The following NPHP1 variants were observed in gnomAD, a reference collection of about 807,000 sequenced individuals.
NPHP1 encodes nephrocystin 1, also known as nephrocystin-1.
A neutral mutation model predicts 90.4 loss-of-function variants in NPHP1; 70 were observed. The observed-to-expected ratio is 0.77, with a 90% CI of 0.64 to 0.95. The LOEUF (loss-of-function observed/expected upper bound fraction) is 0.95, where lower values mean the gene tolerates loss of function less well. Ranked by LOEUF, NPHP1 falls within the 40% of genes least tolerant of loss-of-function variation. NPHP1 has a pLI of 0.00. For synonymous variants in NPHP1, 256 were observed against 271.7 expected (o/e 0.94, Z 0.57); for missense variants, 764 against 795.9 (o/e 0.96, Z 0.48).
chr2:110,182,041 TGAA>T (rs1166083869), intron 2 of NPHP1, among the ~76,000 whole-genome samples: 1 of 152,000 alleles, frequency 6.6e-6, no homozygotes, highest in African/African-American at 2.4e-5. Flanking sequence ...TCTCAGAGCT[TGAA>T]GATTATGTTT....
chr2:110,162,872 G>C (rs1312359482), intron 9 of NPHP1, among the ~76,000 whole-genome samples, 176 bp downstream of exon 9: 2 of 152,146 alleles, frequency 1.3e-5, no homozygotes, highest in African/African-American at 4.8e-5. Flanking sequence ...GCTGGCCTCT[G>C]ATAGGATCAG....
At chr2:110,164,929 T>G in intron 7 of NPHP1, 123 bp downstream of exon 7, 1 of 906,548 alleles carries the variant, frequency 1.1e-6, no homozygotes, top group East Asian at 2.6e-5. Flanking sequence ...GACAATAGTA[T>G]GAAAAGCTCT....
intron 2 of NPHP1, among the ~76,000 whole-genome samples, chr2:110,200,876 T>A (rs1232742190): frequency 3.3e-5 from 5 of 152,190 alleles, no homozygotes; most frequent in Non-Finnish European, 7.3e-5. Context: ...ATTAATAGAA[T>A]GAATCTCATG....
chr2:110,142,502 A>G (rs59965855), intron 16 of NPHP1, among the ~76,000 whole-genome samples: 58,527 of 151,514 alleles, frequency 0.39, 12,068 homozygotes, highest in East Asian at 0.58. Context: ...ACAGGTGTGC[A>G]TCACCATACC....
chr2:110,176,988 C>T (rs1354447497), intron 4 of NPHP1, among the ~76,000 whole-genome samples: 1 of 152,176 alleles, frequency 6.6e-6, no homozygotes, highest in Non-Finnish European at 1.5e-5. Flanking sequence ...CCACAACTCT[C>T]AGTGAACTGA....
At chr2:110,150,491 T>C (rs1453027740) in intron 11 of NPHP1, among the ~76,000 whole-genome samples, 3 of 152,178 alleles carry the variant, frequency 2.0e-5, no homozygotes, top group African/African-American at 7.2e-5. Flanking sequence ...GTGAATTCCT[T>C]AATATCTGAG....
chr2:110,147,778 C>A, intron 13 of NPHP1, 138 bp downstream of exon 13: 1 of 646,594 alleles, frequency 1.5e-6, no homozygotes. Flanking sequence ...AAATTAGAAT[C>A]ACTGGCATTC....
intron 8 of NPHP1, 79 bp downstream of exon 8, chr2:110,164,609 C>G: frequency 6.2e-7 from 1 of 1,610,410 alleles, no homozygotes; most frequent in Non-Finnish European, 8.5e-7. Context: ...TTGGTGTCTT[C>G]CACAGTCTCC....
chr2:110,172,393 G>A (rs943894790), intron 4 of NPHP1, among the ~76,000 whole-genome samples: 4 of 151,702 alleles, frequency 2.6e-5, no homozygotes, highest in African/African-American at 9.7e-5. Flanking sequence ...TTTCTTTCCT[G>A]CTCTCCTTGG....
chr2:110,162,909 G>A, intron 9 of NPHP1, 139 bp downstream of exon 9: 1 of 712,286 alleles, frequency 1.4e-6, no homozygotes, highest in South Asian at 1.5e-5. Context: ...TCATAGGAAG[G>A]ATGAGGAAAA....
intron 4 of NPHP1, among the ~76,000 whole-genome samples, chr2:110,171,188 A>T (rs959480300): frequency 1.1e-4 from 16 of 152,278 alleles, no homozygotes; most frequent in African/African-American, 3.8e-4. Context: ...TGCCAAAATA[A>T]TGTTAGCTTG....
chr2:110,141,690 G>A (rs187830453), intron 16 of NPHP1, among the ~76,000 whole-genome samples: 87 of 152,128 alleles, frequency 5.7e-4, no homozygotes, highest in African/African-American at 2.0e-3. Flanking sequence ...CAGTTTGGTA[G>A]GGCCGGATGC....
intron 6 of NPHP1, among the ~76,000 whole-genome samples, chr2:110,167,427 G>A (rs932412378): frequency 6.6e-6 from 1 of 152,070 alleles, no homozygotes; most frequent in Admixed American, 6.6e-5. Flanking sequence ...GTTAAACATG[G>A]CTAATGAAAC....
chr2:110,143,097 T>C lies in NPHP1; in HGVS notation c.1529+445A>G, dbSNP rs374102870. ...ATACAGAGCTGACTACAAAGGGGCA[T>C]GAGATAACTTTTTAGAGTGAGGGAA... is the stretch of plus-strand genomic sequence containing the variant. On this transcript the variant is annotated intron_variant, in intron 16 of 19. Coordinates refer to ENST00000445609, the MANE Select transcript of NPHP1 (RefSeq NM_001128178.3). Among the ~76,000 whole-genome samples, 36 of 152,294 alleles carry C rather than the reference T, an allele frequency of 2.4e-4. No individual in the cohort carries two copies. The East Asian group carries it at 6.2e-3, about 26-fold the overall frequency.
At position 110,125,208 on chromosome 2, in the gene NPHP1, T is replaced by C. The variant is rs200259671; in HGVS notation, c.1761+429A>G. On this transcript the variant is annotated intron_variant, in intron 19 of 19. Coordinates refer to ENST00000445609, the MANE Select transcript of NPHP1 (RefSeq NM_001128178.3). Reference sequence around the variant, plus strand: ...ACTCACCGATTAAAGCAAGTTCGGATTGGTAATTACCATGATTTTATAGCA... The same window carrying C: ...ACTCACCGATTAAAGCAAGTTCGGACTGGTAATTACCATGATTTTATAGCA... 6.8e-5 allele frequency: 104 copies of C among 1,534,724 alleles called. 3 individuals are homozygous for C. The South Asian group carries it at 1.1e-3, about 16-fold the overall frequency.
chr2:110,129,288 T>C (rs1679607382), intron 17 of NPHP1, 29 bp from the exon 18 acceptor site: 4 of 1,529,618 alleles, frequency 2.6e-6, no homozygotes, highest in Non-Finnish European at 3.6e-6. Flanking sequence ...GAAAGAATTT[T>C]ATGCAAACTT....
At chr2:110,133,579 C>G (rs893608601) in intron 16 of NPHP1, among the ~76,000 whole-genome samples, 1 of 152,100 alleles carries the variant, frequency 6.6e-6, no homozygotes, top group Non-Finnish European at 1.5e-5. Flanking sequence ...GCAGAATACA[C>G]ATTTTTCTCA....
chr2:110,197,885 T>C (rs888922038), intron 2 of NPHP1, among the ~76,000 whole-genome samples: 1 of 152,196 alleles, frequency 6.6e-6, no homozygotes, highest in Non-Finnish European at 1.5e-5. Flanking sequence ...TTTAATATAA[T>C]GTACCAAGAA....
intron 1 of NPHP1, among the ~76,000 whole-genome samples, chr2:110,201,780 C>T (rs986683970): frequency 2.0e-5 from 3 of 152,038 alleles, no homozygotes; most frequent in Non-Finnish European, 4.4e-5. Context: ...AACTAAAGTT[C>T]AATAGTTGAT....
Sources: gnomAD v4.1 joint callset for allele counts (sites outside exome capture counted in the v4.1 genomes callset) on GRCh38, gnomAD v4.1.1 for gene constraint, MANE v1.5 for transcripts, NCBI Gene and HGNC (gene_info 2026-07-23, HGNC 2026-07-21) for gene names.